The following ARHGAP31 variants were observed in gnomAD, a reference collection of about 807,000 sequenced individuals.
ARHGAP31 encodes rho GTPase-activating protein 31.
In ARHGAP31, 34 loss-of-function variants were observed where a neutral mutation model predicts 113.9. The observed-to-expected ratio is 0.30, with a 90% CI of 0.23 to 0.40. ARHGAP31 has a LOEUF of 0.40. ARHGAP31 is among the 10% of genes least tolerant of loss of function. The probability of loss-of-function intolerance (pLI) is 1.00; values close to 1 mark genes in which losing one functional copy is unlikely to be tolerated. For missense variants in ARHGAP31, 1,548 were observed against 1,767.1 expected (o/e 0.88, Z 2.22); for synonymous variants, 650 against 684.8 (o/e 0.95, Z 0.79).
intron 1 of ARHGAP31, among the ~76,000 whole-genome samples, chr3:119,307,516 T>C (rs2079640530): frequency 6.6e-6 from 1 of 152,236 alleles, no homozygotes; most frequent in Non-Finnish European, 1.5e-5. Flanking sequence ...TTCTCTTGTA[T>C]GTACACAATT....
chr3:119,413,316 CAAAAA>C (rs369363243), intron 11 of ARHGAP31, among the ~76,000 whole-genome samples: 9 of 91,472 alleles, frequency 9.8e-5, no homozygotes, highest in African/African-American at 3.5e-4. Context: ...GACTCTGTCT[CAAAAA>C]AAAAAAAAAA....
intron 1 of ARHGAP31, among the ~76,000 whole-genome samples, chr3:119,320,056 G>A (rs1453439386): frequency 6.6e-6 from 1 of 152,218 alleles, no homozygotes; most frequent in Non-Finnish European, 1.5e-5. Flanking sequence ...GAGAGTCCTA[G>A]ATTTCAATCC....
chr3:119,324,783 T>G, intron 1 of ARHGAP31: 1 of 378,478 alleles, frequency 2.6e-6, no homozygotes. Context: ...CACAGTTGTA[T>G]CTATTCTAAC....
rs1559998802 is a variant in ARHGAP31, at chr3:119,414,429, T to C, written c.2500T>C (p.Cys834Arg). ...SQDSPEISSL[C>R]QGEEATPRHS... Reference sequence around the variant, plus strand: ...AGACAGCCCTGAGATCTCTAGCCTCTGTCAGGGAGAGGAGGCAACCCCAAG... The same window carrying C: ...AGACAGCCCTGAGATCTCTAGCCTCCGTCAGGGAGAGGAGGCAACCCCAAG... The change falls in exon 12 of 12, where the codon TGT becomes CGT. Residue 834 changes from cysteine to arginine, a missense_variant. Coordinates refer to ENST00000264245, the MANE Select transcript of ARHGAP31 (RefSeq NM_020754.4). 6.2e-7 allele frequency: 1 copy of C among 1,614,214 alleles called. No individual in the cohort carries two copies. The highest frequency in any genetic ancestry group is 8.5e-7 in the Non-Finnish European group (1 of 1,180,032).
chr3:119,306,523 C>T (rs1559961200), intron 1 of ARHGAP31, among the ~76,000 whole-genome samples: 1 of 152,196 alleles, frequency 6.6e-6, no homozygotes, highest in Non-Finnish European at 1.5e-5. Context: ...CACCACTGCA[C>T]TCTAGCCTGG....
At position 119,344,557 on chromosome 3, in the gene ARHGAP31, T is replaced by C. The variant is rs58467172; in HGVS notation, c.101-20759T>C. 4.0e-3 allele frequency among the ~76,000 whole-genome samples: 612 copies of C among 152,302 alleles called. 4 individuals carry two copies. The highest frequency in any genetic ancestry group is 0.014 in the African/African-American group (591 of 41,568). On this transcript the variant is annotated intron_variant, in intron 1 of 11. Transcript: ENST00000264245. ...ACAGTAATCACAATTAAAATAACAA[T>C]AGCAATTGTTAATATTTATTGAGAG...
intron 1 of ARHGAP31, among the ~76,000 whole-genome samples, chr3:119,337,192 C>T (rs546157211): frequency 7.9e-5 from 12 of 152,254 alleles, no homozygotes; most frequent in Admixed American, 2.0e-4. Context: ...TTCTTAGAGA[C>T]GGTTTATCTG....
At chr3:119,382,215 T>G in intron 4 of ARHGAP31, 77 bp from the exon 5 acceptor site, 6 of 1,323,314 alleles carry the variant, frequency 4.5e-6, no homozygotes, top group South Asian at 1.2e-5. Context: ...AAATCCAAAC[T>G]TAGAAATTAT....
At chr3:119,341,015 T>A (rs892098914) in intron 1 of ARHGAP31, among the ~76,000 whole-genome samples, 2 of 152,184 alleles carry the variant, frequency 1.3e-5, no homozygotes, top group Admixed American at 1.3e-4. Flanking sequence ...GGAAACATCA[T>A]GGGATTTTTT....
rs1193372267 is a variant in ARHGAP31 at position 119,413,995 on chromosome 3, G to T, written c.2066G>T (p.Ser689Ile). ...CCAATTCAGCCTATTCTCGAGTCGA[G>T]TCTGGGGCCCTTTATTCCCTCAGAG... ...TSPIQPILES[S>I]LGPFIPSEPP... The change falls in exon 12 of 12, where the codon AGT (serine) becomes ATT (isoleucine). Residue 689 changes from serine to isoleucine, a missense_variant. Transcript: ENST00000264245. 7 of 1,614,088 alleles carry T rather than the reference G, an allele frequency of 4.3e-6. No individual in the cohort carries two copies. The African/African-American group carries it at 8.0e-5, about 18-fold the overall frequency.
At chr3:119,382,130 C>T (rs2080406418) in intron 4 of ARHGAP31, among the ~76,000 whole-genome samples, 162 bp from the exon 5 acceptor site, 1 of 152,062 alleles carries the variant, frequency 6.6e-6, no homozygotes, top group Non-Finnish European at 1.5e-5. Flanking sequence ...TGCCTAGGGC[C>T]AAGAAAATTA....
At chr3:119,329,282 A>G (rs6798741) in intron 1 of ARHGAP31, among the ~76,000 whole-genome samples, 55,331 of 152,104 alleles carry the variant, frequency 0.36, 12,000 homozygotes, top group African/African-American at 0.61. Flanking sequence ...TGAGCCACAT[A>G]TCAATATAGC....
intron 3 of ARHGAP31, among the ~76,000 whole-genome samples, chr3:119,369,032 G>A (rs2080273985): frequency 6.6e-6 from 1 of 152,224 alleles, no homozygotes; most frequent in South Asian, 2.1e-4. Context: ...AAACAGCCAA[G>A]AGGGAGAGCA....
intron 6 of ARHGAP31, among the ~76,000 whole-genome samples, chr3:119,389,159 TA>T (rs958744008): frequency 1.3e-5 from 2 of 151,578 alleles, no homozygotes; most frequent in African/African-American, 4.8e-5. Context: ...AGACTCCGTT[TA>T]AAAAAAACAA....
At position 119,390,865 on chromosome 3, in the gene ARHGAP31, G is replaced by A. The variant is rs1283091925; in HGVS notation, c.763G>A (p.Ala255Thr). ...MKLVSLEEAQ[A>T]RSLATNHPAR... ...GCTGGTGAGCCTTGAGGAAGCTCAA[G>A]CCCGCAGCCTGGCCACTAACCATCC... The change falls in exon 7 of 12, where the codon GCC becomes ACC. Residue 255 changes from alanine (A) to threonine (T), a missense_variant. Ala to Thr is a moderately conservative substitution (Grantham distance 58, BLOSUM62 0). Coordinates refer to ENST00000264245, the MANE Select transcript of ARHGAP31 (RefSeq NM_020754.4). The A allele has an allele frequency of 1.9e-6, 3 of 1,613,844 alleles. No individual in the cohort carries two copies. The African/African-American group carries it at 4.0e-5, about 22-fold the overall frequency.
chr3:119,386,358 T>C (rs750333851), intron 6 of ARHGAP31, among the ~76,000 whole-genome samples: 1 of 152,320 alleles, frequency 6.6e-6, no homozygotes, highest in Non-Finnish European at 1.5e-5. Flanking sequence ...GGCCGGTAGA[T>C]TCAGTGTCTG....
intron 5 of ARHGAP31, among the ~76,000 whole-genome samples, 200 bp from the exon 6 acceptor site, chr3:119,382,884 G>A (rs1247976660): frequency 6.6e-6 from 1 of 152,214 alleles, no homozygotes; most frequent in Non-Finnish European, 1.5e-5. Flanking sequence ...AGAGTACCTG[G>A]TAACTGTTTC....
At chr3:119,382,245 C>T in intron 4 of ARHGAP31, 47 bp from the exon 5 acceptor site, 1 of 1,532,264 alleles carries the variant, frequency 6.5e-7, no homozygotes, top group Non-Finnish European at 9.0e-7. Flanking sequence ...TCAGGCTTCA[C>T]ACGGGCACTG....
At chr3:119,407,736 T>C (rs898064847) in intron 10 of ARHGAP31, among the ~76,000 whole-genome samples, 8 of 152,148 alleles carry the variant, frequency 5.3e-5, no homozygotes, top group African/African-American at 1.2e-4. Flanking sequence ...ATGGGTTAGA[T>C]TGCAACCAAC....
Sources: allele counts gnomAD v4.1 joint callset (sites outside exome capture counted in the v4.1 genomes callset), GRCh38; gene constraint gnomAD v4.1.1; transcripts MANE v1.5; gene names NCBI Gene and HGNC (gene_info 2026-07-23, HGNC 2026-07-21).